Variants in SEZ6L observed in about 807,000 individuals in gnomAD.
SEZ6L encodes the protein seizure 6-like protein.
In SEZ6L, 37 loss-of-function variants were observed where a neutral mutation model predicts 106.2. The observed-to-expected ratio is 0.35, with a 90% confidence interval of 0.27 to 0.46. The LOEUF is 0.46. SEZ6L is among the 20% of genes least tolerant of loss of function. SEZ6L has a pLI of 1.00. For synonymous variants in SEZ6L, 541 were observed against 570.4 expected, an observed-to-expected ratio of 0.95 and a Z score of 0.73; for missense variants, 1,172 against 1,332.8, an observed-to-expected ratio of 0.88 and a Z score of 1.88.
chr22:26,188,564 A>C (rs1192099956), intron 1 of SEZ6L, among the ~76,000 whole-genome samples: 1 of 152,098 alleles, frequency 6.6e-6, no homozygotes, highest in Non-Finnish European at 1.5e-5. Context: ...GCCATCTATA[A>C]CCTACCACTC....
At chr22:26,347,196 A>C (rs111724810) in intron 10 of SEZ6L, among the ~76,000 whole-genome samples, 5 of 129,912 alleles carry the variant, frequency 3.8e-5, no homozygotes, top group African/African-American at 1.5e-4. Flanking sequence ...TGCCTGTAAA[A>C]ATAATGATGA....
chr22:26,279,302 G>A (rs1490737851), intron 1 of SEZ6L, among the ~76,000 whole-genome samples: 1 of 152,176 alleles, frequency 6.6e-6, no homozygotes, highest in Non-Finnish European at 1.5e-5. Flanking sequence ...AACTGCCTGT[G>A]GGAGAATGTG....
chr22:26,314,091 C>CAGAGAGAGAGAGAG (rs201131115), intron 9 of SEZ6L, among the ~76,000 whole-genome samples, 189 bp downstream of exon 9: 18 of 142,348 alleles, frequency 1.3e-4, no homozygotes, highest in African/African-American at 5.2e-4. Flanking sequence ...CACACACACA[C>CAGAGAGAGAGAGAG]ACACAGAGAG....
At chr22:26,313,719 T>G (rs767201836) in intron 8 of SEZ6L, 45 bp from the exon 9 acceptor site, 52 of 1,589,864 alleles carry the variant, frequency 3.3e-5, no homozygotes, top group Middle Eastern at 3.7e-4. Context: ...CACATTGACT[T>G]CTTTACAAAT....
intron 6 of SEZ6L, among the ~76,000 whole-genome samples, chr22:26,308,756 A>G (rs996984339): frequency 6.6e-6 from 1 of 152,234 alleles, no homozygotes; most frequent in Non-Finnish European, 1.5e-5. Context: ...ATGTATTACT[A>G]TTGCAGACAT....
chr22:26,272,905 C>A (rs1361646785), intron 1 of SEZ6L, among the ~76,000 whole-genome samples: 3 of 152,228 alleles, frequency 2.0e-5, no homozygotes, highest in African/African-American at 7.2e-5. Flanking sequence ...GTACTTCCAT[C>A]TCTGAGCCTC....
chr22:26,356,982 G>T (rs964854292), intron 12 of SEZ6L, among the ~76,000 whole-genome samples: 6 of 148,874 alleles, frequency 4.0e-5, no homozygotes, highest in South Asian at 2.1e-4. Context: ...GACGGAGTCT[G>T]GCTCTGTTGC....
chr22:26,357,053 G>A (rs1351704429), intron 12 of SEZ6L, among the ~76,000 whole-genome samples: 2 of 151,642 alleles, frequency 1.3e-5, no homozygotes, highest in Non-Finnish European at 2.9e-5. Flanking sequence ...CCGGGTTCAC[G>A]CCATTCTCCT....
chr22:26,247,190 G>A (rs2079385082), intron 1 of SEZ6L, among the ~76,000 whole-genome samples: 1 of 152,134 alleles, frequency 6.6e-6, no homozygotes, highest in Non-Finnish European at 1.5e-5. Flanking sequence ...TTGTAGGGCA[G>A]GTAGGTCCCA....
intron 9 of SEZ6L, among the ~76,000 whole-genome samples, chr22:26,338,570 T>A (rs1049089440): frequency 5.2e-5 from 5 of 96,716 alleles, no homozygotes; most frequent in East Asian, 6.1e-4. Context: ...AAAAAAAAAA[T>A]TTTTTTTGAG....
Position 26,314,395 on chromosome 22 carries a change from A to G in SEZ6L, c.2015+493A>G, listed in dbSNP as rs140154183. 2.4e-3 allele frequency among the ~76,000 whole-genome samples: 365 copies of G among 152,352 alleles called. 2 individuals are homozygous for G. Among genetic ancestry groups the G allele is most frequent in the African/African-American group, 8.1e-3 (335 of 41,580 alleles). On this transcript the variant is annotated intron_variant, in intron 9 of 16. Coordinates refer to ENST00000248933, the MANE Select transcript of SEZ6L (RefSeq NM_021115.5). ...CCTGTGGCAAGCATCTCATTTTCAA[A>G]GGACCAAATGGCCAGTGTGGCCAGC... is the stretch of plus-strand genomic sequence containing the variant.
intron 12 of SEZ6L, among the ~76,000 whole-genome samples, chr22:26,352,898 C>G (rs1191709446): frequency 1.3e-5 from 2 of 152,206 alleles, no homozygotes; most frequent in Non-Finnish European, 2.9e-5. Flanking sequence ...TGTGCTAGTT[C>G]ATAAATTCAG....
At chr22:26,173,177 A>T (rs529817905) in intron 1 of SEZ6L, among the ~76,000 whole-genome samples, 1 of 152,338 alleles carries the variant, frequency 6.6e-6, no homozygotes, top group African/African-American at 2.4e-5. Flanking sequence ...AATGCATGTA[A>T]AAGCAGCTGG....
chr22:26,314,907 T>C (rs1048163853), intron 9 of SEZ6L, among the ~76,000 whole-genome samples: 1 of 152,200 alleles, frequency 6.6e-6, no homozygotes, highest in East Asian at 1.9e-4. Flanking sequence ...CAGGCTTCTG[T>C]GGCTTCTCAG....
intron 12 of SEZ6L, among the ~76,000 whole-genome samples, chr22:26,355,018 T>C (rs1206144029): frequency 6.6e-6 from 1 of 152,240 alleles, no homozygotes. Context: ...GCGCGGCTCC[T>C]GAGTAAGAGG....
chr22:26,193,819 A>G (rs886104988), intron 1 of SEZ6L, among the ~76,000 whole-genome samples: 1 of 152,208 alleles, frequency 6.6e-6, no homozygotes, highest in African/African-American at 2.4e-5. Context: ...GTTCATGGTG[A>G]CGTGTATGCA....
Position 26,325,927 on chromosome 22 carries a change from CCACACA to C in SEZ6L, c.2015+12048_2015+12053del, listed in dbSNP as rs59284489. Reference sequence around the variant, plus strand: ...GAGCTCCTTTGCACGATCACACACACCACACACACACACACACACACACACACATTG... The same window carrying C: ...GAGCTCCTTTGCACGATCACACACACCACACACACACACACACACACATTG... On this transcript the variant is annotated intron_variant, in intron 9 of 16. Coordinates refer to ENST00000248933, the MANE Select transcript of SEZ6L (RefSeq NM_021115.5). Among the ~76,000 whole-genome samples, 1,483 of 149,394 alleles carry C rather than the reference CCACACA, an allele frequency of 9.9e-3. 30 individuals carry two copies. The highest frequency in any genetic ancestry group is 0.032 in the African/African-American group (1,296 of 40,690).
intron 1 of SEZ6L, among the ~76,000 whole-genome samples, chr22:26,229,340 C>T (rs2078729821): frequency 2.0e-5 from 3 of 152,160 alleles, no homozygotes; most frequent in Admixed American, 2.0e-4. Context: ...TATTGAGTGT[C>T]TCCTATATGT....
chr22:26,225,479 A>G (rs1329481017), intron 1 of SEZ6L, among the ~76,000 whole-genome samples: 4 of 152,336 alleles, frequency 2.6e-5, no homozygotes, highest in Non-Finnish European at 5.9e-5. Context: ...GACAAGCTGA[A>G]CACATAGAAG....
Sources: gnomAD v4.1 joint callset for allele counts (sites outside exome capture counted in the v4.1 genomes callset) on GRCh38, gnomAD v4.1.1 for gene constraint, MANE v1.5 for transcripts, NCBI Gene and HGNC (gene_info 2026-07-23, HGNC 2026-07-21) for gene names.